SLC25A48: variants seen among roughly 807,000 people sequenced by gnomAD.
SLC25A48 encodes the protein CTC-321K16.1.
Under a neutral mutation model 32.2 loss-of-function variants are expected in SLC25A48, and 29 were observed. That is an observed-to-expected ratio of 0.90 (90% CI 0.67 to 1.23). The LOEUF (loss-of-function observed/expected upper bound fraction) is 1.23, where lower values mean the gene tolerates loss of function less well. Among genes scored for constraint, SLC25A48 ranks in the 50% most tolerant of loss-of-function variants. The probability of loss-of-function intolerance (pLI) is 0.00; values close to 1 mark genes in which losing one functional copy is unlikely to be tolerated. For synonymous variants in SLC25A48, 164 were observed against 172.3 expected (o/e 0.95, Z 0.38); for missense variants, 399 against 422.7 (o/e 0.94, Z 0.49).
chr5:135,883,732 C>T (rs1005450642), intron 7 of SLC25A48, among the ~76,000 whole-genome samples: 1 of 152,200 alleles, frequency 6.6e-6, no homozygotes, highest in African/African-American at 2.4e-5. Context: ...TGGTGACTTG[C>T]TTCAGAGAGT....
At chr5:135,713,231 A>G (rs996713874) in intron 3 of SLC25A48, among the ~76,000 whole-genome samples, 4 of 152,190 alleles carry the variant, frequency 2.6e-5, no homozygotes, top group Non-Finnish European at 5.9e-5. Flanking sequence ...ATGCACATTA[A>G]ATTCTGAGAA....
chr5:135,885,419 G>A (rs1444292202), intron 7 of SLC25A48, among the ~76,000 whole-genome samples: 1 of 152,104 alleles, frequency 6.6e-6, no homozygotes, highest in Non-Finnish European at 1.5e-5. Context: ...CTTACCCCCA[G>A]CATCACCAGG....
intron 3 of SLC25A48, among the ~76,000 whole-genome samples, chr5:135,801,851 C>T (rs922951747): frequency 8.6e-5 from 13 of 151,262 alleles, no homozygotes; most frequent in African/African-American, 2.4e-4. Flanking sequence ...TCGTATTATC[C>T]GGGGGGCGGG....
upstream of SLC25A48, among the ~76,000 whole-genome samples, chr5:135,833,455 C>T (rs1254291139): frequency 3.9e-5 from 6 of 152,358 alleles, no homozygotes; most frequent in East Asian, 1.2e-3. Flanking sequence ...AAAGGCCACT[C>T]TTCAGAGACC....
chr5:135,835,651 G>C (rs1021513938), intron 1 of SLC25A48, among the ~76,000 whole-genome samples: 1 of 146,384 alleles, frequency 6.8e-6, no homozygotes, highest in Non-Finnish European at 1.5e-5. Context: ...TTAGGAAAGG[G>C]GGAAGTTTGA....
At chr5:135,589,669 C>G (rs570675342) in intron 1 of SLC25A48, among the ~76,000 whole-genome samples, 14 of 152,136 alleles carry the variant, frequency 9.2e-5, no homozygotes, top group African/African-American at 1.4e-4. Flanking sequence ...TTTAAAGATG[C>G]ATTTTAATTA....
At chr5:135,679,913 C>T (rs921251172) in intron 3 of SLC25A48, among the ~76,000 whole-genome samples, 1 of 152,070 alleles carries the variant, frequency 6.6e-6, no homozygotes, top group African/African-American at 2.4e-5. Context: ...TCCAGGCGTA[C>T]CCCCTAGGTT....
chr5:135,661,925 A>G (rs1293266788), intron 3 of SLC25A48, among the ~76,000 whole-genome samples: 1 of 152,168 alleles, frequency 6.6e-6, no homozygotes, highest in East Asian at 1.9e-4. Context: ...TTTTGCCTTT[A>G]CAAGTTGCAG....
chr5:135,646,400 G>T (rs1393960214), intron 3 of SLC25A48, among the ~76,000 whole-genome samples: 1 of 151,936 alleles, frequency 6.6e-6, no homozygotes, highest in East Asian at 1.9e-4. Context: ...GGTTGTATAG[G>T]TGGCTGCCTT....
intron 7 of SLC25A48, among the ~76,000 whole-genome samples, chr5:135,886,347 ATCT>A (rs1762712892): frequency 8.3e-6 from 1 of 120,136 alleles, no homozygotes; most frequent in African/African-American, 3.2e-5. Flanking sequence ...GCCTCAGCAC[ATCT>A]TCTGCACCTT....
In SLC25A48 at chr5:135,791,662, G is replaced by C. The variant is rs540349497; in HGVS notation, c.-520-20861G>C. On this transcript the variant is annotated intron_variant, in intron 3 of 10. Transcript: ENST00000646290. ...AGGGTGTACATCCTGTGATATTACT[G>C]GTAATATTATAGGGGGATGTTACTA... 2.2e-4 allele frequency among the ~76,000 whole-genome samples: 33 copies of C among 151,348 alleles called. No individual in the cohort carries two copies. In the South Asian group the frequency reaches 3.9e-3, roughly 18 times the overall value.
chr5:135,594,145 A>C (rs1580708346), intron 1 of SLC25A48, among the ~76,000 whole-genome samples: 1 of 152,378 alleles, frequency 6.6e-6, no homozygotes, highest in Admixed American at 6.5e-5. Context: ...AAGGAGTCAG[A>C]GGGCTGCCAC....
chr5:135,797,239 T>C (rs532770483), intron 3 of SLC25A48, among the ~76,000 whole-genome samples: 35 of 151,974 alleles, frequency 2.3e-4, no homozygotes, highest in Admixed American at 2.1e-3. Context: ...TATCCAGAAG[T>C]GGAGAGCATG....
chr5:135,851,088 G>A (rs1038486252), intron 3 of SLC25A48, among the ~76,000 whole-genome samples: 1 of 152,168 alleles, frequency 6.6e-6, no homozygotes, highest in African/African-American at 2.4e-5. Flanking sequence ...TGAATGAAAT[G>A]ACCTGATTTA....
chr5:135,878,273 G>A (rs778967084), intron 6 of SLC25A48, among the ~76,000 whole-genome samples: 1 of 152,154 alleles, frequency 6.6e-6, no homozygotes, highest in Non-Finnish European at 1.5e-5. Context: ...TCCAAGCTGG[G>A]CCCTGGCTGC....
chr5:135,887,059 C>A (rs1762761324), intron 7 of SLC25A48, among the ~76,000 whole-genome samples: 1 of 152,068 alleles, frequency 6.6e-6, no homozygotes, highest in Non-Finnish European at 1.5e-5. Context: ...AGAACAACTG[C>A]TTATATATTT....
chr5:135,879,893 A>C (rs1218359968), intron 6 of SLC25A48, 75 bp from the exon 7 acceptor site: 1 of 1,509,744 alleles, frequency 6.6e-7, no homozygotes, highest in Non-Finnish European at 8.8e-7. Flanking sequence ...ACCACTAGCT[A>C]TTCTCTGCCC....
chr5:135,765,888 A>AC (rs113477081), intron 3 of SLC25A48, among the ~76,000 whole-genome samples: 45,311 of 150,948 alleles, frequency 0.3, 6,892 homozygotes, highest in East Asian at 0.46. Flanking sequence ...GGGGGCATAC[A>AC]CCCTCCTGTG....
At position 135,629,649 on chromosome 5, in the gene SLC25A48, A is replaced by G. The variant is rs1469716959; in HGVS notation, c.-709+273A>G. Among the ~76,000 whole-genome samples, 1 of 152,230 alleles carries G rather than the reference A, an allele frequency of 6.6e-6. No homozygotes were observed. Among genetic ancestry groups the G allele is most frequent in the Admixed American group, 6.5e-5 (1 of 15,294 alleles). The stretch of plus-strand genomic sequence containing the variant: ...TGACTCTGTGGGCGCCTGAGGATGC[A>G]TCAGGCTCAACAGCTCTGGAAGACG... On this transcript the variant is annotated intron_variant, in intron 2 of 10. Coordinates refer to the SLC25A48 transcript ENST00000646290. The surrounding 1 kb of genome is among the most constrained non-coding windows in gnomAD (Gnocchi z 4.8).
Sources: gnomAD v4.1 joint callset for allele counts (sites outside exome capture counted in the v4.1 genomes callset) on GRCh38, gnomAD v4.1.1 for gene constraint, Gnocchi (gnomAD v3.1) non-coding constraint, MANE v1.5 for transcripts, NCBI Gene and HGNC (gene_info 2026-07-23, HGNC 2026-07-21) for gene names.